The following CSMD1 variants were observed in gnomAD, a reference collection of about 807,000 sequenced individuals.
The protein encoded by CSMD1 is CUB and Sushi multiple domains 1.
In CSMD1, 213 loss-of-function variants were observed where a neutral mutation model predicts 417.5. The observed-to-expected ratio is 0.51, with a 90% CI of 0.46 to 0.57. The LOEUF is 0.57. CSMD1 is among the 20% of genes least tolerant of loss of function. The pLI is 0.00. For missense variants in CSMD1, 6,923 were observed against 4,529.7 expected (o/e 1.53, Z -15.17); for synonymous variants, 2,862 against 1,736.8 (o/e 1.65, Z -16.11).
chr8:4,845,216 T>A (rs1004465309), intron 1 of CSMD1, among the ~76,000 whole-genome samples: 1 of 152,206 alleles, frequency 6.6e-6, no homozygotes, highest in Non-Finnish European at 1.5e-5. Context: ...AACTACATAT[T>A]TTGGTTATTG....
intron 2 of CSMD1, among the ~76,000 whole-genome samples, chr8:4,623,980 T>G (rs1243099881): frequency 6.6e-6 from 1 of 152,152 alleles, no homozygotes; most frequent in East Asian, 1.9e-4. Flanking sequence ...CTGCACTTTA[T>G]TGGTTACTAA....
At chr8:3,523,369 T>C (rs951482493) in intron 10 of CSMD1, among the ~76,000 whole-genome samples, 18 of 152,216 alleles carry the variant, frequency 1.2e-4, no homozygotes, top group Non-Finnish European at 1.5e-5. Flanking sequence ...TTACGTGAGA[T>C]GGAACTTTGA....
chr8:4,305,158 G>T (rs1486485692), intron 3 of CSMD1, among the ~76,000 whole-genome samples: 1 of 152,192 alleles, frequency 6.6e-6, no homozygotes, highest in African/African-American at 2.4e-5. Flanking sequence ...TATTTTGAAA[G>T]ATAGTTTTTA....
Position 4,031,968 on chromosome 8 carries a change from G to T in CSMD1, c.547C>A (p.Leu183Met), listed in dbSNP as rs368057015. ...PGYILEGHAI[L>M]TCIVSPGNGA... is the part of the protein sequence containing the mutation. ...TTTCCTGGGCTGACGATGCAGGTCA[G>T]GATGGCGTGGCCTTCCAAGATGTAG... is the stretch of plus-strand genomic sequence containing the variant. Residue 183 changes from leucine to methionine, a missense_variant, in exon 4 of 70, where the codon CTG becomes ATG. By Grantham distance (15) the Leu-to-Met change is conservative. Transcript: ENST00000635120. The T allele has an allele frequency of 6.2e-6, 10 of 1,613,872 alleles. No homozygotes were observed. The highest frequency in any genetic ancestry group is 8.5e-6 in the Non-Finnish European group (10 of 1,179,898).
intron 11 of CSMD1, among the ~76,000 whole-genome samples, chr8:3,482,572 G>C (rs916564612): frequency 6.6e-6 from 1 of 152,150 alleles, no homozygotes; most frequent in African/African-American, 2.4e-5. Flanking sequence ...AAGTATAGTT[G>C]AAAACTTTAG....
chr8:3,536,109 G>A (rs1247760675), intron 10 of CSMD1, among the ~76,000 whole-genome samples: 3 of 152,202 alleles, frequency 2.0e-5, no homozygotes, highest in Admixed American at 6.5e-5. Flanking sequence ...TATTATCATT[G>A]TTTTTATGAT....
rs201488010 is a variant in CSMD1 at position 3,412,043 on chromosome 8, T to C, written c.1562-2438A>G. 2.5e-4 allele frequency among the ~76,000 whole-genome samples: 21 copies of C among 84,262 alleles called. 2 individuals are homozygous for C. In the East Asian group the frequency reaches 2.5e-3, roughly 10 times the overall value. 55.3% of individuals were successfully genotyped at this position (84,262 alleles called of 152,430 possible). On this transcript the variant is annotated intron_variant, in intron 12 of 69. Transcript: ENST00000635120. ...ATACACACGTATATATACACATATA[T>C]ACACGTATATATACACACGTATATA...
rs1387136252 is a variant in CSMD1, at chr8:3,810,515, C to A, written c.819-56473G>T. Among the ~76,000 whole-genome samples the A allele has an allele frequency of 2.0e-5, 3 of 152,196 alleles. No individual in the cohort carries two copies. In the South Asian group the frequency reaches 6.2e-4, roughly 32 times the overall value. On this transcript the variant is annotated intron_variant, in intron 5 of 69. Coordinates refer to ENST00000635120, the MANE Select transcript of CSMD1 (RefSeq NM_033225.6). ...ACCTGGGGCTGGTCATGGAAGAGGT[C>A]AGAATGGGATGCCTCCTTGGTGTGG...
At chr8:2,960,883 G>C (rs898257918) in intron 62 of CSMD1, among the ~76,000 whole-genome samples, 19 of 143,304 alleles carry the variant, frequency 1.3e-4, no homozygotes, top group Non-Finnish European at 1.8e-4. Flanking sequence ...TGTAATAGTT[G>C]CTATGTTAAT....
intron 1 of CSMD1, among the ~76,000 whole-genome samples, chr8:4,657,394 T>C (rs1804299998): frequency 6.6e-6 from 1 of 152,328 alleles, no homozygotes; most frequent in South Asian, 2.1e-4. Flanking sequence ...TTCCTTTCTT[T>C]CTTATTCATG....
At chr8:4,076,350 C>G (rs977812834) in intron 3 of CSMD1, among the ~76,000 whole-genome samples, 16 of 152,202 alleles carry the variant, frequency 1.1e-4, no homozygotes, top group African/African-American at 3.6e-4. Context: ...TCAATCAAAC[C>G]TCTTTCCTTT....
chr8:4,822,149 G>C (rs1054172379), intron 1 of CSMD1, among the ~76,000 whole-genome samples: 9 of 151,842 alleles, frequency 5.9e-5, no homozygotes, highest in Non-Finnish European at 1.3e-4. Context: ...AATGTTATAA[G>C]CCTCTGAATT....
chr8:4,451,226 G>A (rs772797644), intron 2 of CSMD1, among the ~76,000 whole-genome samples: 2 of 152,112 alleles, frequency 1.3e-5, no homozygotes, highest in Admixed American at 6.5e-5. Flanking sequence ...AACTACTTGG[G>A]AGGCTAAGGA....
intron 12 of CSMD1, among the ~76,000 whole-genome samples, chr8:3,440,012 T>C (rs1009422821): frequency 6.6e-6 from 1 of 152,226 alleles, no homozygotes; most frequent in South Asian, 2.1e-4. Context: ...CATTAATCTC[T>C]GTGTCTGCCC....
intron 1 of CSMD1, among the ~76,000 whole-genome samples, chr8:4,772,239 C>T (rs1454455354): frequency 3.3e-5 from 5 of 152,174 alleles, no homozygotes; most frequent in Non-Finnish European, 7.4e-5. Context: ...TCCTCAAATC[C>T]TCACACTCCT....
At chr8:3,706,622 C>A (rs1221477560) in intron 7 of CSMD1, among the ~76,000 whole-genome samples, 1 of 152,156 alleles carries the variant, frequency 6.6e-6, no homozygotes, top group African/African-American at 2.4e-5. Context: ...AAAAGCTCTG[C>A]CTCAATCTTA....
chr8:4,434,100 G>C (rs888218359), intron 2 of CSMD1, among the ~76,000 whole-genome samples: 2 of 152,124 alleles, frequency 1.3e-5, no homozygotes, highest in Non-Finnish European at 2.9e-5. Context: ...CACTTTGGGA[G>C]GTTGAAGTGG....
At chr8:3,002,708 T>C (rs1005265859) in intron 52 of CSMD1, among the ~76,000 whole-genome samples, 3 of 152,220 alleles carry the variant, frequency 2.0e-5, no homozygotes, top group Non-Finnish European at 4.4e-5. Flanking sequence ...AGTTTGAAGT[T>C]GCACTCTTCT....
At chr8:4,831,619 C>A (rs1401500323) in intron 1 of CSMD1, among the ~76,000 whole-genome samples, 1 of 152,122 alleles carries the variant, frequency 6.6e-6, no homozygotes, top group Non-Finnish European at 1.5e-5. Flanking sequence ...CCTGGTGACA[C>A]TCTTTCTTTC....
Sources: allele counts gnomAD v4.1 joint callset (sites outside exome capture counted in the v4.1 genomes callset), GRCh38; gene constraint gnomAD v4.1.1; transcripts MANE v1.5; gene names NCBI Gene and HGNC (gene_info 2026-07-23, HGNC 2026-07-21).